MFAP3L: variants seen among roughly 807,000 people sequenced by gnomAD.
MFAP3L encodes microfibril associated protein 3 like.
A neutral mutation model predicts 20.0 loss-of-function variants in MFAP3L; 5 were observed. The ratio of observed to expected loss-of-function variants is 0.25; its 90% CI spans 0.13 to 0.53. The LOEUF (loss-of-function observed/expected upper bound fraction) is 0.53. Ranked by LOEUF, MFAP3L falls within the 20% of genes least tolerant of loss-of-function variation. The pLI, the probability that MFAP3L is intolerant of heterozygous loss-of-function variation, is 0.96. For missense variants in MFAP3L, 409 were observed against 527.5 expected, an observed-to-expected ratio of 0.78 and a Z score of 2.20; for synonymous variants, 219 against 213.0, an observed-to-expected ratio of 1.03 and a Z score of -0.25.
intron 1 of MFAP3L, among the ~76,000 whole-genome samples, chr4:170,012,291 A>G (rs913671430): frequency 1.3e-5 from 2 of 152,248 alleles, no homozygotes; most frequent in Non-Finnish European, 2.9e-5. Context: ...ACTATCTGAT[A>G]GCAGGTTGAA....
intron 1 of MFAP3L, among the ~76,000 whole-genome samples, chr4:170,022,222 G>C (rs1156901431): frequency 6.6e-6 from 1 of 152,162 alleles, no homozygotes; most frequent in South Asian, 2.1e-4. Context: ...GATGAATCCA[G>C]AGACCTGAAT....
At chr4:170,006,077 A>C in intron 1 of MFAP3L, 67 bp from the exon 2 acceptor site, 10 of 1,201,090 alleles carry the variant, frequency 8.3e-6, no homozygotes, top group Non-Finnish European at 9.9e-6. Context: ...AACACTATAA[A>C]CGGTTAGCAA....
At chr4:170,018,875 G>A (rs990317085) in intron 1 of MFAP3L, among the ~76,000 whole-genome samples, 7 of 152,296 alleles carry the variant, frequency 4.6e-5, no homozygotes, top group African/African-American at 1.7e-4. Context: ...AGGCCTGGCC[G>A]GGGGTGGGGC....
Position 169,998,162 on chromosome 4 carries a change from C to T in MFAP3L, c.299-5853G>A, listed in dbSNP as rs7674268. On this transcript the variant is annotated intron_variant, in intron 2 of 2. Coordinates refer to ENST00000361618, the MANE Select transcript of MFAP3L (RefSeq NM_021647.8). ...CGGGAAGGCAGCTGACCTGGGACCA[C>T]GGTGCTCGCCATGGTGGCATGCCCA... Among the ~76,000 whole-genome samples the T allele has an allele frequency of 3.9e-3, 592 of 152,350 alleles. 3 individuals carry two copies. Among genetic ancestry groups the T allele is most frequent in the African/African-American group, 0.013 (549 of 41,584 alleles).
At chr4:170,023,989 G>A (rs1740195966) in intron 1 of MFAP3L, among the ~76,000 whole-genome samples, 1 of 152,144 alleles carries the variant, frequency 6.6e-6, no homozygotes, top group Admixed American at 6.5e-5. Context: ...ACATCATACA[G>A]TCTAGAAATC....
chr4:170,025,398 C>T lies in MFAP3L; in HGVS notation c.-134+836G>A, dbSNP rs866854937. ...GAAGATAACGCAAAATAAAGATTGC[C>T]ACAGTAACCAAACTTTTCTGCTAAG... is the stretch of plus-strand genomic sequence containing the variant. On this transcript the variant is annotated intron_variant, in intron 1 of 2. Transcript: ENST00000361618. 2.6e-5 allele frequency among the ~76,000 whole-genome samples: 4 copies of T among 152,250 alleles called. No individual in the cohort carries two copies. The Middle Eastern group carries it at 0.01, about 388-fold the overall frequency.
rs1279296382 is a variant in MFAP3L, at chr4:169,988,553, TCA to T, written c.*2823_*2824del. ...TGCACGAGTGTGTATGCACACACGT[TCA>T]GTCACACTCGCATGAATTTCTATGA... On this transcript the variant is annotated 3_prime_UTR_variant, in exon 3 of 3. Coordinates refer to ENST00000361618, the MANE Select transcript of MFAP3L (RefSeq NM_021647.8). The T allele has an allele frequency of 6.6e-6, 1 of 152,324 alleles. No individual in the cohort carries two copies. 9.4% of individuals were successfully genotyped at this position (152,324 alleles called of 1,614,324 possible). A position where few individuals can be genotyped will look rare whatever the true frequency, so the allele number is the denominator to read the frequency against.
At chr4:170,020,537 T>G (rs189160210) in intron 1 of MFAP3L, among the ~76,000 whole-genome samples, 1 of 152,092 alleles carries the variant, frequency 6.6e-6, no homozygotes, top group Admixed American at 6.5e-5. Context: ...AGTGTGAAAC[T>G]CAAGTCCTAC....
At chr4:170,023,680 G>A (rs1174752319) in intron 1 of MFAP3L, among the ~76,000 whole-genome samples, 1 of 152,196 alleles carries the variant, frequency 6.6e-6, no homozygotes, top group African/African-American at 2.4e-5. Context: ...GCCAACTTAG[G>A]GGAGTGATAG....
intron 2 of MFAP3L, among the ~76,000 whole-genome samples, chr4:170,004,099 G>C (rs1043075346): frequency 6.6e-6 from 1 of 152,172 alleles, no homozygotes; most frequent in Non-Finnish European, 1.5e-5. Flanking sequence ...TGGAATTACA[G>C]GCACGTGCCA....
intron 1 of MFAP3L, among the ~76,000 whole-genome samples, chr4:170,010,855 C>T (rs930272814): frequency 6.6e-6 from 1 of 151,990 alleles, no homozygotes; most frequent in Non-Finnish European, 1.5e-5. Context: ...ATCAACTATA[C>T]TGAATTTTAG....
chr4:170,008,255 T>C (rs1272738528), intron 1 of MFAP3L, among the ~76,000 whole-genome samples: 2 of 152,122 alleles, frequency 1.3e-5, no homozygotes, highest in Admixed American at 1.3e-4. Flanking sequence ...TCCTCTCCCA[T>C]CTGGAAAAGT....
chr4:170,009,268 A>G (rs1268522968), intron 1 of MFAP3L, among the ~76,000 whole-genome samples: 6 of 151,858 alleles, frequency 4.0e-5, no homozygotes, highest in African/African-American at 1.5e-4. Flanking sequence ...CTGTAGTCCC[A>G]GCTACTCAGG....
At chr4:170,026,439 C>A, upstream of MFAP3L, 1 of 296,170 alleles carries the variant, frequency 3.4e-6, no homozygotes, top group Non-Finnish European at 5.0e-6. Flanking sequence ...CTGGGCCGGC[C>A]GGGGCCGAGC....
chr4:170,012,824 C>T (rs949491205), intron 1 of MFAP3L, among the ~76,000 whole-genome samples: 20 of 152,184 alleles, frequency 1.3e-4, no homozygotes, highest in Non-Finnish European at 2.6e-4. Context: ...ACTAAATATA[C>T]ACCCAGACTT....
Position 169,992,024 on chromosome 4 carries a change from G to A in MFAP3L, c.584C>T (p.Ala195Val). The A allele has an allele frequency of 6.2e-7, 1 of 1,614,154 alleles. No homozygotes were observed. Among genetic ancestry groups the A allele is most frequent in the Non-Finnish European group, 8.5e-7 (1 of 1,180,034 alleles). ...AINEFFRTEG[A>V]EKLQKAFEIA... ...CTCAAATGCCTTCTGCAGCTTCTCT[G>A]CACCTTCGGTCCTAAAGAACTCATT... The change falls in exon 3 of 3, where the codon GCA (alanine) becomes GTA (valine). Residue 195 changes from alanine (A) to valine (V), a missense_variant. Around this residue, in one of 3 missense-constraint regions of MFAP3L, gnomAD observed 127 missense variants for 218.1 expected, o/e 0.58. Coordinates refer to ENST00000361618, the MANE Select transcript of MFAP3L (RefSeq NM_021647.8). This position sits in a 1 kb window ranked among gnomAD's most constrained non-coding sequence, Gnocchi z 4.3.
Position 169,992,886 on chromosome 4 carries a change from T to C in MFAP3L, c.299-577A>G, listed in dbSNP as rs752301290. Among the ~76,000 whole-genome samples the C allele has an allele frequency of 1.3e-5, 2 of 152,238 alleles. No individual in the cohort carries two copies. The highest frequency in any genetic ancestry group is 2.9e-5 in the Non-Finnish European group (2 of 68,044). ...ATGATCTCAGTTAATTAAAACATAATTTGTATCATTCATTTTGAGACTCCA... is the reference window on the plus strand; with the variant it reads ...ATGATCTCAGTTAATTAAAACATAACTTGTATCATTCATTTTGAGACTCCA... On this transcript the variant is annotated intron_variant, in intron 2 of 2. Transcript: ENST00000361618. This position sits in a 1 kb window ranked among gnomAD's most constrained non-coding sequence, Gnocchi z 4.3.
Position 169,992,579 on chromosome 4 carries a change from G to C in MFAP3L, c.299-270C>G, listed in dbSNP as rs1164492157. 2.0e-5 allele frequency among the ~76,000 whole-genome samples: 3 copies of C among 152,216 alleles called. No homozygotes were observed. The highest frequency in any genetic ancestry group is 1.3e-4 in the Admixed American group (2 of 15,288). On this transcript the variant is annotated intron_variant, in intron 2 of 2. Coordinates refer to ENST00000361618, the MANE Select transcript of MFAP3L (RefSeq NM_021647.8). This position sits in a 1 kb window ranked among gnomAD's most constrained non-coding sequence, Gnocchi z 4.3. ...AGTCAGGTTAGACAACACTCCCAAG[G>C]GCACCGGCTTGGAAGCCGTAGAACT...
At position 170,005,996 on chromosome 4, in the gene MFAP3L, T is replaced by G. The variant is rs907990022; in HGVS notation, c.-119A>C. 17 of 1,445,714 alleles carry G rather than the reference T, an allele frequency of 1.2e-5. No homozygotes were observed. Among genetic ancestry groups the G allele is most frequent in the Middle Eastern group, 2.4e-4 (1 of 4,218 alleles). 89.6% of individuals were successfully genotyped at this position (1,445,714 alleles called of 1,614,324 possible). ...ACCTGTCCTGGGTCCATAGAGTTGG[T>G]ACTTGAGCAAGAACCTGTTTTTAAG... On this transcript the variant is annotated 5_prime_UTR_variant, in exon 2 of 3. Transcript: ENST00000361618.
Sources: gnomAD v4.1 joint callset for allele counts (sites outside exome capture counted in the v4.1 genomes callset) on GRCh38, gnomAD v4.1.1 for gene constraint, gnomAD v4.1.1 regional missense constraint, Gnocchi (gnomAD v3.1) non-coding constraint, MANE v1.5 for transcripts, NCBI Gene and HGNC (gene_info 2026-07-23, HGNC 2026-07-21) for gene names.